The following L3MBTL4 variants were observed in gnomAD, a reference collection of about 807,000 sequenced individuals.
L3MBTL4 encodes the protein L3MBTL histone methyl-lysine binding protein 4, also known as lethal(3)malignant brain tumor-like protein 4.
L3MBTL4 carries 70 observed loss-of-function variants against 84.5 expected under a neutral mutation model. The observed-to-expected ratio is 0.83, with a 90% confidence interval of 0.68 to 1.01. The LOEUF is 1.01. L3MBTL4 is among the 50% of genes least tolerant of loss of function. L3MBTL4 has a pLI of 0.00. For missense variants in L3MBTL4, 715 were observed against 754.8 expected (o/e 0.95, Z 0.62); for synonymous variants, 274 against 259.8 (o/e 1.05, Z -0.52).
chr18:6,063,028 T>A (rs930485162), intron 16 of L3MBTL4, among the ~76,000 whole-genome samples: 6 of 151,862 alleles, frequency 4.0e-5, no homozygotes, highest in African/African-American at 1.4e-4. Context: ...ATTATATCAC[T>A]CTTGTGTCTT....
chr18:6,411,545 C>T lies in L3MBTL4; in HGVS notation c.-91+3256G>A, dbSNP rs186762721. On this transcript the variant is annotated intron_variant, in intron 1 of 18. Transcript: ENST00000317931. ...TATTAGCAACTGACAAGACTAACCA[C>T]GCTGTTCCCTCCCTTCCCTCCCTTA... is the stretch of plus-strand genomic sequence containing the variant. Among the ~76,000 whole-genome samples the T allele has an allele frequency of 2.6e-5, 4 of 152,270 alleles. No homozygotes were observed. The East Asian group carries it at 7.7e-4, about 29-fold the overall frequency.
intron 4 of L3MBTL4, among the ~76,000 whole-genome samples, chr18:6,293,433 G>T (rs1303086264): frequency 1.3e-5 from 2 of 151,958 alleles, no homozygotes; most frequent in Middle Eastern, 3.4e-3. Flanking sequence ...GGACTCACTG[G>T]CCAAACTGGG....
intron 5 of L3MBTL4, among the ~76,000 whole-genome samples, chr18:6,253,669 G>A (rs1391486122): frequency 6.6e-6 from 1 of 152,210 alleles, no homozygotes; most frequent in African/African-American, 2.4e-5. Context: ...GAAGCTCATG[G>A]ACAACCACAG....
At position 6,093,535 on chromosome 18, in the gene L3MBTL4, T is replaced by G; in HGVS notation, c.1200-7A>C. ...ATACGGGCAGCCAAAAGCACTGGTTTGTATAAAAATGAGAGCACAGTCATC... is the reference window on the plus strand; with the variant it reads ...ATACGGGCAGCCAAAAGCACTGGTTGGTATAAAAATGAGAGCACAGTCATC... On this transcript the variant is annotated splice_polypyrimidine_tract_variant and splice_region_variant and intron_variant, in intron 14 of 18. Transcript: ENST00000317931. The G allele has an allele frequency of 6.2e-7, 1 of 1,609,034 alleles. No individual in the cohort carries two copies. Among genetic ancestry groups the G allele is most frequent in the Non-Finnish European group, 8.5e-7 (1 of 1,178,526 alleles).
chr18:6,331,206 T>G lies in L3MBTL4; in HGVS notation c.-90-19150A>C, dbSNP rs1276477650. ...TAAATGCATGGTTTGAGATAGAAATTGTCTCCATCATCCAAAAGGTTGTCC... is the reference window on the plus strand; with the variant it reads ...TAAATGCATGGTTTGAGATAGAAATGGTCTCCATCATCCAAAAGGTTGTCC... On this transcript the variant is annotated intron_variant, in intron 1 of 18. Transcript: ENST00000317931. Among the ~76,000 whole-genome samples, 3 of 152,168 alleles carry G rather than the reference T, an allele frequency of 2.0e-5. No individual in the cohort carries two copies. In the East Asian group the frequency reaches 5.8e-4, roughly 29 times the overall value.
At chr18:6,208,171 A>G (rs1487639675) in intron 12 of L3MBTL4, among the ~76,000 whole-genome samples, 2 of 151,324 alleles carry the variant, frequency 1.3e-5, no homozygotes, top group Admixed American at 1.3e-4. Flanking sequence ...AATGCATTCC[A>G]GTTAGATAGA....
At chr18:6,348,078 T>C (rs2143696832) in intron 1 of L3MBTL4, among the ~76,000 whole-genome samples, 1 of 151,898 alleles carries the variant, frequency 6.6e-6, no homozygotes, top group South Asian at 2.1e-4. Context: ...TAATACTAAA[T>C]CTAACAAAAG....
intron 1 of L3MBTL4, among the ~76,000 whole-genome samples, chr18:6,381,012 G>A (rs2054574408): frequency 6.6e-6 from 1 of 152,130 alleles, no homozygotes; most frequent in Non-Finnish European, 1.5e-5. Flanking sequence ...TGTATGGGGT[G>A]CATATATATT....
At chr18:6,320,353 A>G in intron 1 of L3MBTL4, among the ~76,000 whole-genome samples, 1 of 152,082 alleles carries the variant, frequency 6.6e-6, no homozygotes, top group Non-Finnish European at 1.5e-5. Context: ...GTCAAAATAA[A>G]TGACTATATA....
intron 4 of L3MBTL4, among the ~76,000 whole-genome samples, chr18:6,298,247 T>C (rs1037313250): frequency 3.9e-5 from 6 of 152,194 alleles, no homozygotes; most frequent in African/African-American, 1.4e-4. Context: ...TCATCACTAC[T>C]TATAAATTTA....
At chr18:6,314,494 T>C (rs1846986952) in intron 1 of L3MBTL4, among the ~76,000 whole-genome samples, 1 of 152,204 alleles carries the variant, frequency 6.6e-6, no homozygotes, top group African/African-American at 2.4e-5. Flanking sequence ...GACAACGTGA[T>C]GTTCAGTGAT....
chr18:5,985,753 A>G (rs2053436609), intron 16 of L3MBTL4, among the ~76,000 whole-genome samples: 1 of 152,186 alleles, frequency 6.6e-6, no homozygotes, highest in African/African-American at 2.4e-5. Context: ...TTAAGGTGTG[A>G]TGTCCATGGG....
At chr18:6,052,099 A>G (rs1888112029) in intron 16 of L3MBTL4, among the ~76,000 whole-genome samples, 1 of 152,218 alleles carries the variant, frequency 6.6e-6, no homozygotes, top group African/African-American at 2.4e-5. Flanking sequence ...TTTTTTGAAA[A>G]GCAACTGGAG....
chr18:6,197,821 A>G (rs2045473776), intron 12 of L3MBTL4, among the ~76,000 whole-genome samples: 1 of 152,214 alleles, frequency 6.6e-6, no homozygotes, highest in South Asian at 2.1e-4. Flanking sequence ...CTATAGGTAC[A>G]AACTCATTTG....
chr18:6,231,869 C>T (rs1019216912), intron 10 of L3MBTL4, among the ~76,000 whole-genome samples: 3 of 151,980 alleles, frequency 2.0e-5, no homozygotes, highest in African/African-American at 4.8e-5. Flanking sequence ...TCTCCCTTTC[C>T]GTTAGGATGC....
At chr18:6,372,337 G>T (rs1337552814) in intron 1 of L3MBTL4, among the ~76,000 whole-genome samples, 1 of 152,162 alleles carries the variant, frequency 6.6e-6, no homozygotes, top group East Asian at 1.9e-4. Flanking sequence ...TGCCGATGCT[G>T]GTGTGCTTGC....
chr18:6,145,587 T>G (rs2042614767), intron 13 of L3MBTL4, among the ~76,000 whole-genome samples: 1 of 98,966 alleles, frequency 1.0e-5, no homozygotes, highest in African/African-American at 3.9e-5. Context: ...ATTTAGCAAG[T>G]TTTTTTTTTT....
chr18:5,962,099 G>T (rs957594835), intron 17 of L3MBTL4, among the ~76,000 whole-genome samples: 4 of 152,186 alleles, frequency 2.6e-5, no homozygotes, highest in African/African-American at 7.2e-5. Flanking sequence ...TTGATTAGCG[G>T]TGGAGGATTG....
At chr18:5,975,564 T>C (rs2052878461) in intron 16 of L3MBTL4, among the ~76,000 whole-genome samples, 1 of 152,244 alleles carries the variant, frequency 6.6e-6, no homozygotes, top group Non-Finnish European at 1.5e-5. Context: ...CTTCCCACGA[T>C]CACCTGTTCT....
Sources: allele counts gnomAD v4.1 joint callset (sites outside exome capture counted in the v4.1 genomes callset), GRCh38; gene constraint gnomAD v4.1.1; transcripts MANE v1.5; gene names NCBI Gene and HGNC (gene_info 2026-07-23, HGNC 2026-07-21).